RPGRIP1: variants seen among roughly 807,000 people sequenced by gnomAD.
RPGRIP1 encodes the protein RPGR interacting protein 1, also known as X-linked retinitis pigmentosa GTPase regulator-interacting protein 1.
In RPGRIP1, 128 loss-of-function variants were observed where a neutral mutation model predicts 157.9. The observed-to-expected ratio is 0.81, with a 90% CI of 0.70 to 0.94. The LOEUF (loss-of-function observed/expected upper bound fraction) is 0.94. Among genes scored for constraint, RPGRIP1 ranks in the 40% least tolerant of loss-of-function variants. The pLI, the probability that RPGRIP1 is intolerant of heterozygous loss-of-function variation, is 0.00. For missense variants in RPGRIP1, 1,486 were observed against 1,545.8 expected, an observed-to-expected ratio of 0.96 and a Z score of 0.65; for synonymous variants, 554 against 571.6, an observed-to-expected ratio of 0.97 and a Z score of 0.44.
intron 21 of RPGRIP1, 64 bp downstream of exon 21, chr14:21,334,769 A>G: frequency 8.9e-7 from 1 of 1,118,652 alleles, no homozygotes. Flanking sequence ...GTGGCCAGTC[A>G]TGGGGGCTCA....
rs767097826 is a variant in RPGRIP1 at position 21,351,133 on chromosome 14, A to G, written c.3778A>G (p.Ile1260Val). 2.5e-6 allele frequency: 4 copies of G among 1,612,408 alleles called. No individual in the cohort carries two copies. Among genetic ancestry groups the G allele is most frequent in the Non-Finnish European group, 3.4e-6 (4 of 1,179,114 alleles). ...TAGCCCTGAAGATCTGGCTACCCCAATAGGAAGGCTGAAGGTTTCCCTTCA... is the reference window on the plus strand; with the variant it reads ...TAGCCCTGAAGATCTGGCTACCCCAGTAGGAAGGCTGAAGGTTTCCCTTCA... ...IVSPEDLATP[I>V]GRLKVSLQAA... Residue 1260 changes from isoleucine to valine, a missense_variant, in exon 25 of 25, where the codon ATA (isoleucine) becomes GTA (valine). Physicochemically the swap from Ile to Val is conservative, Grantham distance 29. Transcript: ENST00000400017.
intron 24 of RPGRIP1, among the ~76,000 whole-genome samples, chr14:21,349,211 C>G (rs1885898221): frequency 6.7e-6 from 1 of 150,274 alleles, no homozygotes; most frequent in South Asian, 2.1e-4. Context: ...GCTGGGACTA[C>G]AGGCACCTGC....
At chr14:21,329,541 G>A (rs1439212654) in intron 19 of RPGRIP1, among the ~76,000 whole-genome samples, 6 of 139,326 alleles carry the variant, frequency 4.3e-5, no homozygotes, top group South Asian at 2.4e-4. Flanking sequence ...TTGCTCTGTC[G>A]CCCAGGCCAG....
intron 10 of RPGRIP1, among the ~76,000 whole-genome samples, chr14:21,315,453 G>A (rs551390031): frequency 1.5e-4 from 23 of 151,078 alleles, no homozygotes; most frequent in African/African-American, 5.6e-4. Context: ...CTTGCAGTGA[G>A]CCGAGATCGC....
chr14:21,301,367 C>G, intron 4 of RPGRIP1, 130 bp downstream of exon 4: 1 of 973,538 alleles, frequency 1.0e-6, no homozygotes, highest in Non-Finnish European at 1.5e-6. Flanking sequence ...TCCCTCCTTT[C>G]TGCCTCCCTA....
intron 17 of RPGRIP1, 62 bp from the exon 18 acceptor site, chr14:21,327,561 G>C: frequency 7.1e-7 from 1 of 1,411,362 alleles, no homozygotes; most frequent in South Asian, 1.2e-5. Context: ...ATAAGGTGCT[G>C]ACAAATGCTC....
chr14:21,325,243 G>A lies in RPGRIP1; in HGVS notation c.2227G>A (p.Glu743Lys). 6.2e-7 allele frequency: 1 copy of A among 1,607,444 alleles called. No individual in the cohort carries two copies. The change falls in exon 16 of 25, where the codon GAA becomes AAA. Residue 743 changes from glutamate to lysine, a missense_variant. Coordinates refer to ENST00000400017, the MANE Select transcript of RPGRIP1 (RefSeq NM_020366.4). Reference protein sequence around the residue: ...GLATLIGAGGEEFGVLEYWMR... With the variant: ...GLATLIGAGGKEFGVLEYWMR... ...TTTCTGCTACCCAGGAGCTGGTGGA[G>A]AAGAGTTCGGGGTTCTAGAGTACTG... is the stretch of plus-strand genomic sequence containing the variant.
chr14:21,309,037 C>G (rs1177109672), intron 7 of RPGRIP1, among the ~76,000 whole-genome samples: 1 of 152,184 alleles, frequency 6.6e-6, no homozygotes, highest in Non-Finnish European at 1.5e-5. Flanking sequence ...GACCCAGTTT[C>G]TAAAGACCTG....
At chr14:21,320,303 T>A in intron 12 of RPGRIP1, 126 bp downstream of exon 12, 1 of 911,546 alleles carries the variant, frequency 1.1e-6, no homozygotes, top group Non-Finnish European at 1.6e-6. Context: ...ACACTCTTTT[T>A]TTTTTTGAGA....
Position 21,300,989 on chromosome 14 carries a change from T to G in RPGRIP1, c.242T>G (p.Leu81Trp), listed in dbSNP as rs1881000375. Residue 81 changes from leucine (L) to tryptophan (W), a missense_variant, in exon 4 of 25, where the codon TTG (leucine) becomes TGG (tryptophan). By Grantham distance (61) the Leu-to-Trp change is moderately conservative. Coordinates refer to ENST00000400017, the MANE Select transcript of RPGRIP1 (RefSeq NM_020366.4). ...IKRLRTTLLRLTAAGRDLRVA... is the reference protein window; with the variant it reads ...IKRLRTTLLRWTAAGRDLRVA... The stretch of plus-strand genomic sequence containing the variant: ...AGGCTGAGGACCACCTTGCTGCGGT[T>G]GACCGCTGCTGGCCGGGACCTGCGG... 6.2e-7 allele frequency: 1 copy of G among 1,612,822 alleles called. No individual in the cohort carries two copies. Among genetic ancestry groups the G allele is most frequent in the African/African-American group, 1.3e-5 (1 of 74,902 alleles).
At chr14:21,350,966 C>T in intron 24 of RPGRIP1, 138 bp from the exon 25 acceptor site, 2 of 575,396 alleles carry the variant, frequency 3.5e-6, no homozygotes, top group Non-Finnish European at 6.3e-6. Flanking sequence ...ATACCATTTT[C>T]CTTTCTCCTT....
chr14:21,290,551 C>T (rs1014792368), intron 2 of RPGRIP1, among the ~76,000 whole-genome samples: 1 of 152,070 alleles, frequency 6.6e-6, no homozygotes, highest in Non-Finnish European at 1.5e-5. Context: ...GTGGCTCATG[C>T]CTGTAGTCCC....
rs145398555 is a variant in RPGRIP1 at position 21,333,090 on chromosome 14, T to G, written c.3239-1515T>G. Among the ~76,000 whole-genome samples, 80 of 152,242 alleles carry G rather than the reference T, an allele frequency of 5.3e-4. 1 individual carries two copies. The East Asian group carries it at 0.014, about 26-fold the overall frequency. On this transcript the variant is annotated intron_variant, in intron 20 of 24. Transcript: ENST00000400017. ...ACTCCAGCCTGGGCAACAAGAGCAA[T>G]GCTTCATTTCAAAACAAAAACAAAA...
chr14:21,309,667 T>G (rs1449270355), intron 7 of RPGRIP1, among the ~76,000 whole-genome samples: 1 of 152,076 alleles, frequency 6.6e-6, no homozygotes, highest in African/African-American at 2.4e-5. Flanking sequence ...AAGGACACAC[T>G]AAGAATTTTT....
intron 20 of RPGRIP1, among the ~76,000 whole-genome samples, chr14:21,333,107 A>G (rs1003787723): frequency 6.6e-6 from 1 of 152,214 alleles, no homozygotes; most frequent in Non-Finnish European, 1.5e-5. Context: ...TTTCAAAACA[A>G]AAACAAAACA....
intron 19 of RPGRIP1, among the ~76,000 whole-genome samples, chr14:21,329,179 G>C (rs1883447161): frequency 6.6e-6 from 1 of 151,598 alleles, no homozygotes; most frequent in South Asian, 2.1e-4. Flanking sequence ...GCCAGGCATG[G>C]TGGTATGTGC....
chr14:21,280,648 C>T (rs551452354), intron 1 of RPGRIP1, among the ~76,000 whole-genome samples: 5 of 152,212 alleles, frequency 3.3e-5, no homozygotes, highest in Admixed American at 3.3e-4. Flanking sequence ...ATCTCACGTC[C>T]AACCAGTTGT....
At chr14:21,311,683 C>T (rs576723025) in intron 8 of RPGRIP1, 141 bp from the exon 9 acceptor site, 103 of 553,462 alleles carry the variant, frequency 1.9e-4, no homozygotes, top group African/African-American at 1.5e-3. Flanking sequence ...ACAAGGTTAA[C>T]GAACAGTACA....
intron 8 of RPGRIP1, among the ~76,000 whole-genome samples, chr14:21,311,303 G>A (rs189945731): frequency 6.6e-6 from 1 of 152,234 alleles, no homozygotes; most frequent in South Asian, 2.1e-4. Flanking sequence ...TGTAATCCCA[G>A]CACTTGGGGA....
Sources: gnomAD v4.1 joint callset for allele counts (sites outside exome capture counted in the v4.1 genomes callset) on GRCh38, gnomAD v4.1.1 for gene constraint, MANE v1.5 for transcripts, NCBI Gene and HGNC (gene_info 2026-07-23, HGNC 2026-07-21) for gene names.